The following COL5A1 variants were observed in gnomAD, a reference collection of about 807,000 sequenced individuals.
COL5A1 encodes collagen type V alpha 1 chain, also known as collagen alpha-1(V) chain.
In COL5A1, 16 loss-of-function variants were observed where a neutral mutation model predicts 263.7. That is an observed-to-expected ratio of 0.06 (90% CI 0.04 to 0.09). The LOEUF (loss-of-function observed/expected upper bound fraction) is 0.09, where lower values mean the gene tolerates loss of function less well. COL5A1 is among the 10% of genes least tolerant of loss of function. COL5A1 has a pLI of 1.00. For synonymous variants in COL5A1, 1,012 were observed against 1,004.5 expected, an observed-to-expected ratio of 1.01 and a Z score of -0.14; for missense variants, 2,036 against 2,540.5, an observed-to-expected ratio of 0.80 and a Z score of 4.27.
intron 1 of COL5A1, among the ~76,000 whole-genome samples, chr9:134,670,040 A>G (rs1028217608): frequency 6.6e-6 from 1 of 152,108 alleles, no homozygotes; most frequent in Non-Finnish European, 1.5e-5. Context: ...GCATGGTTGA[A>G]CTCATGTGCA....
intron 28 of COL5A1, among the ~76,000 whole-genome samples, chr9:134,780,783 C>A (rs1486144559): frequency 6.6e-6 from 1 of 152,222 alleles, no homozygotes; most frequent in African/African-American, 2.4e-5. Context: ...GGCCGGCCAC[C>A]TTTCTCTTCT....
chr9:134,766,578 C>A, intron 22 of COL5A1, 80 bp downstream of exon 22: 1 of 1,416,880 alleles, frequency 7.1e-7, no homozygotes, highest in South Asian at 1.2e-5. Context: ...GGAGGTCCAT[C>A]GCTGTCCACA....
Position 134,700,546 on chromosome 9 carries a change from C to T in COL5A1, c.491+424C>T, listed in dbSNP as rs1036005397. Reference sequence around the variant, plus strand: ...TCGTGCCAGCACGCTCTGTTGGGTGCAGACCTCAACACCAGGGGTTGTCAG... The same window carrying T: ...TCGTGCCAGCACGCTCTGTTGGGTGTAGACCTCAACACCAGGGGTTGTCAG... On this transcript the variant is annotated intron_variant, in intron 3 of 65. Coordinates refer to ENST00000371817, the MANE Select transcript of COL5A1 (RefSeq NM_000093.5). The surrounding 1 kb of genome is among the most constrained non-coding windows in gnomAD (Gnocchi z 4.0). 2.0e-5 allele frequency among the ~76,000 whole-genome samples: 3 copies of T among 152,204 alleles called. No individual in the cohort carries two copies. Among genetic ancestry groups the T allele is most frequent in the Admixed American group, 2.0e-4 (3 of 15,282 alleles).
At chr9:134,746,493 T>G (rs1835518024) in intron 11 of COL5A1, among the ~76,000 whole-genome samples, 1 of 152,254 alleles carries the variant, frequency 6.6e-6, no homozygotes, top group Non-Finnish European at 1.5e-5. Context: ...GGGGACAGTT[T>G]CACGTGCTGA....
At chr9:134,795,548 G>A (rs974178701) in intron 34 of COL5A1, among the ~76,000 whole-genome samples, 1 of 152,194 alleles carries the variant, frequency 6.6e-6, no homozygotes, top group Non-Finnish European at 1.5e-5. Context: ...CCCCAGCAGA[G>A]CAGGGACAGG....
intron 64 of COL5A1, among the ~76,000 whole-genome samples, chr9:134,834,256 G>A (rs982013078): frequency 5.9e-5 from 9 of 152,218 alleles, no homozygotes; most frequent in Admixed American, 6.5e-5. Flanking sequence ...GCGATCGGGT[G>A]CAGAGCTCTG....
At position 134,696,628 on chromosome 9, in the gene COL5A1, TA is replaced by T. The variant is rs1833478859; in HGVS notation, c.278-3280del. On this transcript the variant is annotated intron_variant, in intron 2 of 65. Coordinates refer to ENST00000371817, the MANE Select transcript of COL5A1 (RefSeq NM_000093.5). This position sits in a 1 kb window ranked among gnomAD's most constrained non-coding sequence, Gnocchi z 4.3. ...GTTTATTAGGGGATCAGTCACTGTT[TA>T]TTGATCACGTGATCCACTGTAGTGA... Among the ~76,000 whole-genome samples, 1 of 152,228 alleles carries T rather than the reference TA, an allele frequency of 6.6e-6. No individual in the cohort carries two copies. The highest frequency in any genetic ancestry group is 2.4e-5 in the African/African-American group (1 of 41,458).
chr9:134,740,525 G>A (rs1395084855), intron 11 of COL5A1, among the ~76,000 whole-genome samples: 3 of 152,210 alleles, frequency 2.0e-5, no homozygotes, highest in South Asian at 2.1e-4. Context: ...CACAAATGCC[G>A]GTTGACACAC....
At chr9:134,776,508 G>A (rs1205223471) in intron 27 of COL5A1, among the ~76,000 whole-genome samples, 1 of 152,322 alleles carries the variant, frequency 6.6e-6, no homozygotes. Context: ...TTTTCATCGG[G>A]GAAAAAGTTT....
intron 1 of COL5A1, among the ~76,000 whole-genome samples, chr9:134,689,260 T>G (rs1588439524): frequency 6.6e-6 from 1 of 152,094 alleles, no homozygotes; most frequent in Non-Finnish European, 1.5e-5. Flanking sequence ...CCATCCCATC[T>G]CACCTCCAAA....
chr9:134,738,265 G>T (rs1474830394), intron 9 of COL5A1, among the ~76,000 whole-genome samples: 2 of 152,192 alleles, frequency 1.3e-5, no homozygotes, highest in East Asian at 1.9e-4. Flanking sequence ...GCTGGCCCGG[G>T]TTGCTCTTCT....
At chr9:134,802,354 C>G (rs529225179) in intron 38 of COL5A1, among the ~76,000 whole-genome samples, 1 of 152,174 alleles carries the variant, frequency 6.6e-6, no homozygotes, top group Admixed American at 6.5e-5. Flanking sequence ...GTGGGTGTCA[C>G]GGGCCTGCGA....
rs1831522806 is a variant in COL5A1, at chr9:134,647,728, C to T, written c.109+5432C>T. Among the ~76,000 whole-genome samples the T allele has an allele frequency of 6.6e-6, 1 of 152,184 alleles. No individual in the cohort carries two copies. The highest frequency in any genetic ancestry group is 2.4e-5 in the African/African-American group (1 of 41,432). ...CCAGCTGGATCCGACAATTTCATGT[C>T]TTTTTAAACTCCCGGGAGGGCGATG... On this transcript the variant is annotated intron_variant, in intron 1 of 65. Transcript: ENST00000371817. This position sits in a 1 kb window ranked among gnomAD's most constrained non-coding sequence, Gnocchi z 5.0.
At chr9:134,753,389 C>T (rs915139059) in intron 14 of COL5A1, among the ~76,000 whole-genome samples, 1 of 152,102 alleles carries the variant, frequency 6.6e-6, no homozygotes, top group Non-Finnish European at 1.5e-5. Flanking sequence ...TTCAACACCA[C>T]AGGGGCCCTC....
At chr9:134,820,339 T>C (rs1364481614) in intron 58 of COL5A1, 116 bp downstream of exon 58, 1 of 784,184 alleles carries the variant, frequency 1.3e-6, no homozygotes, top group Non-Finnish European at 2.2e-6. Flanking sequence ...CACACGTCGG[T>C]TGAGTCCGGT....
intron 4 of COL5A1, among the ~76,000 whole-genome samples, chr9:134,719,271 TACAC>T (rs1257700848): frequency 3.9e-5 from 6 of 152,160 alleles, no homozygotes; most frequent in African/African-American, 7.2e-5. Context: ...ATGTCACACA[TACAC>T]ATGCATGTAT....
chr9:134,757,306 TCA>T lies in COL5A1; in HGVS notation c.1881+489_1881+490del, dbSNP rs1222990423. On this transcript the variant is annotated intron_variant, in intron 17 of 65. Coordinates refer to ENST00000371817, the MANE Select transcript of COL5A1 (RefSeq NM_000093.5). The surrounding 1 kb of genome is among the most constrained non-coding windows in gnomAD (Gnocchi z 6.2). ...CACTCATGCCTGCCCGCTGCTGTGC[TCA>T]GTGTATCCACCCCTCTGCCCCAGCA... is the stretch of plus-strand genomic sequence containing the variant. 6.6e-6 allele frequency among the ~76,000 whole-genome samples: 1 copy of T among 152,148 alleles called. No homozygotes were observed. The highest frequency in any genetic ancestry group is 1.5e-5 in the Non-Finnish European group (1 of 68,030).
intron 1 of COL5A1, among the ~76,000 whole-genome samples, chr9:134,663,121 C>T (rs1354364507): frequency 6.6e-6 from 1 of 152,260 alleles, no homozygotes; most frequent in Non-Finnish European, 1.5e-5. Context: ...TCCTGAACAA[C>T]TGTTCTCTGC....
intron 4 of COL5A1, among the ~76,000 whole-genome samples, chr9:134,723,373 G>A (rs932958414): frequency 1.3e-5 from 2 of 152,306 alleles, no homozygotes; most frequent in East Asian, 1.9e-4. Flanking sequence ...GGCCAGGGAC[G>A]CCCCATGCTC....
Sources: gnomAD v4.1 joint callset for allele counts (sites outside exome capture counted in the v4.1 genomes callset) on GRCh38, gnomAD v4.1.1 for gene constraint, Gnocchi (gnomAD v3.1) non-coding constraint, MANE v1.5 for transcripts, NCBI Gene and HGNC (gene_info 2026-07-23, HGNC 2026-07-21) for gene names.